The following TLL1 variants were observed in gnomAD, a reference collection of about 807,000 sequenced individuals.
TLL1 encodes tolloid like 1.
A neutral mutation model predicts 128.2 loss-of-function variants in TLL1; 49 were observed. The observed-to-expected ratio is 0.38, with a 90% confidence interval of 0.30 to 0.48. The LOEUF (loss-of-function observed/expected upper bound fraction) is 0.48, where lower values mean the gene tolerates loss of function less well. TLL1 is among the 20% of genes least tolerant of loss of function. TLL1 has a pLI of 0.96. For synonymous variants in TLL1, 454 were observed against 418.8 expected (o/e 1.08, Z -1.03); for missense variants, 1,123 against 1,242.0 (o/e 0.90, Z 1.44).
At chr4:165,954,941 C>T (rs1239092161) in intron 1 of TLL1, among the ~76,000 whole-genome samples, 1 of 152,046 alleles carries the variant, frequency 6.6e-6, no homozygotes, top group Admixed American at 6.6e-5. Context: ...ACTAGGTCCC[C>T]AGCAATGGTT....
At chr4:165,968,011 G>A (rs916229379) in intron 1 of TLL1, among the ~76,000 whole-genome samples, 10 of 152,162 alleles carry the variant, frequency 6.6e-5, no homozygotes, top group South Asian at 2.1e-4. Flanking sequence ...GTGTCTTCAC[G>A]GCACTGAACT....
In TLL1 at chr4:165,920,669, A is replaced by G. The variant is rs76866892; in HGVS notation, c.169+46596A>G. On this transcript the variant is annotated intron_variant, in intron 1 of 20. Coordinates refer to ENST00000061240, the MANE Select transcript of TLL1 (RefSeq NM_012464.5). The stretch of plus-strand genomic sequence containing the variant: ...AAGTGATGAAAGAATAGAAAATATT[A>G]CAATCCCATTTTCATTCTTATCAAA... Among the ~76,000 whole-genome samples the G allele has an allele frequency of 3.5e-4, 53 of 152,324 alleles. No individual in the cohort carries two copies. In the East Asian group the frequency reaches 6.0e-3, roughly 17 times the overall value.
intron 1 of TLL1, among the ~76,000 whole-genome samples, chr4:165,925,644 A>C (rs1482587685): frequency 6.6e-6 from 1 of 152,232 alleles, no homozygotes; most frequent in African/African-American, 2.4e-5. Context: ...TTGGTAAAGC[A>C]GTGGCAGAGT....
intron 1 of TLL1, among the ~76,000 whole-genome samples, chr4:165,970,762 G>T (rs533818935): frequency 6.6e-6 from 1 of 152,228 alleles, no homozygotes; most frequent in South Asian, 2.1e-4. Flanking sequence ...CCATATACAG[G>T]CATTTTAAGG....
intron 18 of TLL1, among the ~76,000 whole-genome samples, chr4:166,084,332 G>C (rs1741409789): frequency 6.6e-6 from 1 of 151,998 alleles, no homozygotes; most frequent in South Asian, 2.1e-4. Context: ...TATTCTGTAG[G>C]TTGTCTTTCC....
At chr4:166,021,083 A>G (rs1039790379) in intron 8 of TLL1, among the ~76,000 whole-genome samples, 1 of 152,214 alleles carries the variant, frequency 6.6e-6, no homozygotes, top group Non-Finnish European at 1.5e-5. Context: ...TTAGCGTTAA[A>G]ATGAATTAAA....
intron 16 of TLL1, among the ~76,000 whole-genome samples, chr4:166,066,941 T>C (rs1009156698): frequency 6.6e-6 from 1 of 151,826 alleles, no homozygotes; most frequent in Admixed American, 6.6e-5. Context: ...ATAAATATTA[T>C]GTGTGTTATA....
Position 165,911,710 on chromosome 4 carries a change from G to A in TLL1, c.169+37637G>A, listed in dbSNP as rs115994956. On this transcript the variant is annotated intron_variant, in intron 1 of 20. Transcript: ENST00000061240. ...GTAAACTGCTCAATGTTCTTCCTGT[G>A]TCTCGTATTGATATAACCCTACCTT... Among the ~76,000 whole-genome samples, 463 of 152,004 alleles carry A rather than the reference G, an allele frequency of 3.0e-3. 1 individual carries two copies. Among genetic ancestry groups the A allele is most frequent in the African/African-American group, 0.011 (446 of 41,458 alleles).
intron 5 of TLL1, among the ~76,000 whole-genome samples, chr4:165,997,067 CACTG>C (rs1736915599): frequency 6.6e-6 from 1 of 152,046 alleles, no homozygotes; most frequent in African/African-American, 2.4e-5. Context: ...AGGAATTGAT[CACTG>C]ACTGGCAAAG....
intron 1 of TLL1, among the ~76,000 whole-genome samples, chr4:165,929,876 A>G (rs972938037): frequency 3.3e-5 from 5 of 152,210 alleles, no homozygotes; most frequent in African/African-American, 1.2e-4. Context: ...TCTATCACAC[A>G]AAGTATTTTT....
intron 1 of TLL1, among the ~76,000 whole-genome samples, chr4:165,958,199 G>A (rs1279384928): frequency 7.0e-6 from 1 of 142,336 alleles, no homozygotes; most frequent in East Asian, 2.0e-4. Context: ...ATAGCAGCAT[G>A]ATTTATAGTC....
intron 19 of TLL1, among the ~76,000 whole-genome samples, chr4:166,097,774 C>T (rs918343732): frequency 2.0e-5 from 3 of 152,240 alleles, no homozygotes; most frequent in South Asian, 2.1e-4. Context: ...GTATTACAAT[C>T]GTACTTGGCT....
chr4:166,087,024 T>C (rs1268918271), intron 18 of TLL1, among the ~76,000 whole-genome samples: 7 of 152,182 alleles, frequency 4.6e-5, no homozygotes, highest in Admixed American at 4.6e-4. Context: ...AAGTTCTAAA[T>C]GTGTAAGTAC....
chr4:165,895,707 G>C (rs1430676581), intron 1 of TLL1, among the ~76,000 whole-genome samples: 1 of 144,730 alleles, frequency 6.9e-6, no homozygotes, highest in African/African-American at 2.6e-5. Context: ...AGGAACCTAG[G>C]ATAGGCAAAA....
intron 1 of TLL1, among the ~76,000 whole-genome samples, chr4:165,988,726 T>A (rs898347092): frequency 8.5e-5 from 13 of 152,106 alleles, no homozygotes; most frequent in Non-Finnish European, 1.0e-4. Flanking sequence ...CGTGTTATAT[T>A]TGTCATTAAA....
chr4:166,099,135 C>A, intron 19 of TLL1, 142 bp from the exon 20 acceptor site: 1 of 1,334,246 alleles, frequency 7.5e-7, no homozygotes, highest in Non-Finnish European at 1.1e-6. Flanking sequence ...TCTGACTCTC[C>A]AGTTGTGGAA....
chr4:165,914,729 T>A (rs530572232), intron 1 of TLL1, among the ~76,000 whole-genome samples: 1 of 152,306 alleles, frequency 6.6e-6, no homozygotes, highest in African/African-American at 2.4e-5. Flanking sequence ...TTGTCACAAC[T>A]GAGGACCCTG....
At chr4:165,887,741 A>C (rs181406041) in intron 1 of TLL1, among the ~76,000 whole-genome samples, 3 of 152,292 alleles carry the variant, frequency 2.0e-5, no homozygotes, top group Admixed American at 1.3e-4. Context: ...GAATCTATGG[A>C]TTATTTTAAA....
intron 12 of TLL1, chr4:166,044,497 G>A: frequency 1.5e-6 from 2 of 1,344,390 alleles, no homozygotes; most frequent in Non-Finnish European, 2.0e-6. Flanking sequence ...CTTCCCAGAT[G>A]TATTTCCTTT....
Sources: gnomAD v4.1 joint callset for allele counts (sites outside exome capture counted in the v4.1 genomes callset) on GRCh38, gnomAD v4.1.1 for gene constraint, MANE v1.5 for transcripts, NCBI Gene and HGNC (gene_info 2026-07-23, HGNC 2026-07-21) for gene names.